The following SPRY3 variants were observed in gnomAD, a reference collection of about 807,000 sequenced individuals.
SPRY3 encodes protein sprouty homolog 3.
In SPRY3, 15 loss-of-function variants were observed where a neutral mutation model predicts 20.2. The observed-to-expected ratio is 0.74, with a 90% CI of 0.50 to 1.14. The LOEUF (loss-of-function observed/expected upper bound fraction) is 1.14, where lower values mean the gene tolerates loss of function less well. Among genes scored for constraint, SPRY3 ranks in the 50% most tolerant of loss-of-function variants. SPRY3 has a pLI of 0.00. For synonymous variants in SPRY3, 143 were observed against 136.5 expected (o/e 1.05, Z -0.33); for missense variants, 364 against 363.9 (o/e 1.00, Z 0.00).
chrX:155,638,332 A>AAAGTT (rs2067930812), intron 1 of SPRY3, among the ~76,000 whole-genome samples: 2 of 3,087 alleles, frequency 6.5e-4, no homozygotes, highest in African/African-American at 9.6e-4. Context: ...ATATATATAT[A>AAAGTT]TATATATATA....
chrX:155,672,930 T>G (rs1215278703), intron 2 of SPRY3, among the ~76,000 whole-genome samples: 1 of 104,934 alleles, frequency 9.5e-6, no homozygotes, highest in South Asian at 4.5e-4. Context: ...ATGGATGAAA[T>G]TGGAAATCAT....
At chrX:155,655,080 C>A (rs1281480625) in intron 1 of SPRY3, among the ~76,000 whole-genome samples, 1 of 111,264 alleles carries the variant, frequency 9.0e-6, no homozygotes, top group Non-Finnish European at 1.9e-5. Context: ...ACAATGATAT[C>A]TCATTGGGGT....
At chrX:155,745,100 G>C (rs1280528720) in intron 2 of SPRY3, among the ~76,000 whole-genome samples, 1 of 151,964 alleles carries the variant, frequency 6.6e-6, no homozygotes, top group Admixed American at 6.6e-5. Context: ...GAGATCCTAT[G>C]CAAGTCTCAG....
chrX:155,670,375 C>G (rs1321378981), intron 2 of SPRY3, among the ~76,000 whole-genome samples: 6 of 111,935 alleles, frequency 5.4e-5, no homozygotes, highest in African/African-American at 1.9e-4. Flanking sequence ...AATTCTTTCC[C>G]TCTGGGGAAG....
intron 2 of SPRY3, among the ~76,000 whole-genome samples, chrX:155,660,805 C>T (rs781831471): frequency 2.1e-4 from 22 of 105,809 alleles, no homozygotes; most frequent in African/African-American, 6.6e-4. Flanking sequence ...TTTACTGTTG[C>T]TAGTTAAAAG....
intron 2 of SPRY3, among the ~76,000 whole-genome samples, chrX:155,676,790 C>T (rs782507887): frequency 1.2e-3 from 130 of 111,855 alleles, no homozygotes; most frequent in African/African-American, 4.1e-3. Flanking sequence ...CTCTGTGAAG[C>T]CCCTTTATAG....
At chrX:155,735,132 T>A (rs1705267113) in intron 2 of SPRY3, among the ~76,000 whole-genome samples, 2 of 152,034 alleles carry the variant, frequency 1.3e-5, no homozygotes, top group African/African-American at 2.4e-5. Context: ...GTATGTTTTT[T>A]AATCTCCAAA....
intron 2 of SPRY3, among the ~76,000 whole-genome samples, chrX:155,686,015 C>T: frequency 9.0e-6 from 1 of 111,565 alleles, no homozygotes; most frequent in Middle Eastern, 4.7e-3. Context: ...ACCTCATGAC[C>T]CGCCTGCCTT....
intron 2 of SPRY3, among the ~76,000 whole-genome samples, chrX:155,685,656 T>C (rs183536286): frequency 6.1e-4 from 68 of 111,567 alleles, no homozygotes; most frequent in African/African-American, 2.1e-3. Flanking sequence ...TAAGTGAGAA[T>C]ATGTGGTATT....
At chrX:155,732,704 G>A (rs1424067323) in intron 2 of SPRY3, among the ~76,000 whole-genome samples, 2 of 152,040 alleles carry the variant, frequency 1.3e-5, no homozygotes, top group African/African-American at 4.8e-5. Context: ...ACACTCCCAT[G>A]TTTATTGCAG....
At chrX:155,766,753 C>T (rs1404808272) in intron 2 of SPRY3, among the ~76,000 whole-genome samples, 3 of 152,120 alleles carry the variant, frequency 2.0e-5, no homozygotes, top group Non-Finnish European at 4.4e-5. Context: ...TATTTTCAGT[C>T]CCAGGGAGGC....
intron 2 of SPRY3, among the ~76,000 whole-genome samples, chrX:155,708,718 C>A (rs1233398538): frequency 6.6e-6 from 1 of 151,498 alleles, no homozygotes; most frequent in Non-Finnish European, 1.5e-5. Context: ...TTCACCCCAT[C>A]AAGCATTTAT....
At chrX:155,765,327 T>C (rs2091320996) in intron 2 of SPRY3, among the ~76,000 whole-genome samples, 1 of 152,164 alleles carries the variant, frequency 6.6e-6, no homozygotes, top group African/African-American at 2.4e-5. Context: ...ATCCTAGATC[T>C]GCAAACTGCC....
chrX:155,661,944 A>G (rs1053093821), intron 2 of SPRY3, among the ~76,000 whole-genome samples: 1 of 111,768 alleles, frequency 8.9e-6, no homozygotes, highest in Non-Finnish European at 1.9e-5. Context: ...TATATCCTGA[A>G]TTATTTTTCT....
Position 155,733,550 on chromosome X carries a change from C to A in SPRY3, c.-281-34412C>A, listed in dbSNP as rs1405290003. On this transcript the variant is annotated intron_variant, in intron 2 of 3. Coordinates refer to ENST00000675360, the Ensembl canonical transcript of SPRY3. ...TAGAGCATAGGCAGAGTAAATGTAGCATAATTTTTAAGGGCCCAAGGACTT... is the reference window on the plus strand; with the variant it reads ...TAGAGCATAGGCAGAGTAAATGTAGAATAATTTTTAAGGGCCCAAGGACTT... 2.0e-5 allele frequency among the ~76,000 whole-genome samples: 3 copies of A among 151,892 alleles called. No individual in the cohort carries two copies. In the East Asian group the frequency reaches 5.8e-4, roughly 29 times the overall value.
intron 2 of SPRY3, among the ~76,000 whole-genome samples, chrX:155,713,593 A>G (rs921059876): frequency 6.6e-6 from 1 of 151,916 alleles, no homozygotes; most frequent in Non-Finnish European, 1.5e-5. Flanking sequence ...CTATCATATG[A>G]TATTTCTTTT....
intron 2 of SPRY3, among the ~76,000 whole-genome samples, chrX:155,667,842 GACCAATTA>G (rs1381599027): frequency 9.0e-6 from 1 of 111,096 alleles, no homozygotes; most frequent in Non-Finnish European, 1.9e-5. Flanking sequence ...GTATCCAAAT[GACCAATTA>G]ACATATGAAA....
rs782818310 is a variant in SPRY3, at chrX:155,638,829, C to T, written c.-440-18038C>T. ...GAATATGGACTACATTAATGAAATC[C>T]CTTGCCATATGGCTTCTGGTTAGAT... On this transcript the variant is annotated intron_variant, in intron 1 of 3. Coordinates refer to ENST00000675360, the Ensembl canonical transcript of SPRY3. Among the ~76,000 whole-genome samples, 7 of 111,605 alleles carry T rather than the reference C, an allele frequency of 6.3e-5. No homozygotes were observed. The East Asian group carries it at 1.7e-3, about 27-fold the overall frequency.
At chrX:155,766,132 C>G (rs984293654) in intron 2 of SPRY3, among the ~76,000 whole-genome samples, 10 of 152,180 alleles carry the variant, frequency 6.6e-5, no homozygotes, top group African/African-American at 1.9e-4. Context: ...CACACACGCA[C>G]ATACACAGGC....
Sources: allele counts gnomAD v4.1 joint callset (sites outside exome capture counted in the v4.1 genomes callset), GRCh38; gene constraint gnomAD v4.1.1; transcripts MANE v1.5; gene names NCBI Gene and HGNC (gene_info 2026-07-23, HGNC 2026-07-21).